The following CTNND2 variants were observed in gnomAD, a reference collection of about 807,000 sequenced individuals.
The protein encoded by CTNND2 is catenin delta-2.
A neutral mutation model predicts 144.4 loss-of-function variants in CTNND2; 22 were observed. The observed-to-expected ratio is 0.15, with a 90% CI of 0.11 to 0.22. The LOEUF (loss-of-function observed/expected upper bound fraction) is 0.22. Ranked by LOEUF, CTNND2 falls within the 10% of genes least tolerant of loss-of-function variation. CTNND2 has a pLI of 1.00. For missense variants in CTNND2, 1,353 were observed against 1,618.8 expected, an observed-to-expected ratio of 0.84 and a Z score of 2.82; for synonymous variants, 751 against 695.6, an observed-to-expected ratio of 1.08 and a Z score of -1.25.
chr5:11,177,984 G>A (rs1186768131), intron 11 of CTNND2, among the ~76,000 whole-genome samples: 1 of 152,154 alleles, frequency 6.6e-6, no homozygotes, highest in African/African-American at 2.4e-5. Context: ...GTTCCTGGTA[G>A]CTACTGATAT....
chr5:10,997,854 TTTA>T (rs777257002), intron 18 of CTNND2, among the ~76,000 whole-genome samples: 2 of 152,148 alleles, frequency 1.3e-5, no homozygotes, highest in Non-Finnish European at 2.9e-5. Context: ...TGGCTAAATA[TTTA>T]TTATGTTCTA....
chr5:11,732,232 C>A lies in CTNND2; in HGVS notation c.78G>T (p.Glu26Asp). ...PVPDQPSSAS[E>D]KTSSLSPGLN... ...AGCCGGGGCTCAGGGAACTCGTCTT[C>A]TCTGAGGCTGATGAAGGCTGGTCTG... The change falls in exon 2 of 22, where the codon GAG becomes GAT. Residue 26 changes from glutamate to aspartate, a missense_variant. Physicochemically the swap from Glu to Asp is conservative, Grantham distance 45. Coordinates refer to ENST00000304623, the MANE Select transcript of CTNND2 (RefSeq NM_001332.4). 6.2e-7 allele frequency: 1 copy of A among 1,613,996 alleles called. No individual in the cohort carries two copies. Among genetic ancestry groups the A allele is most frequent in the South Asian group, 1.1e-5 (1 of 91,072 alleles).
chr5:11,610,978 T>A (rs1780293990), intron 2 of CTNND2, among the ~76,000 whole-genome samples: 2 of 152,136 alleles, frequency 1.3e-5, no homozygotes, highest in Non-Finnish European at 2.9e-5. Context: ...GATGATATGG[T>A]TTGGCTGTGT....
intron 3 of CTNND2, among the ~76,000 whole-genome samples, chr5:11,413,003 T>C (rs1761664506): frequency 1.3e-5 from 2 of 152,154 alleles, no homozygotes; most frequent in Admixed American, 1.3e-4. Context: ...AAAAGGGAAT[T>C]CTGGGTATAA....
At chr5:11,369,123 G>A (rs1356467408) in intron 7 of CTNND2, among the ~76,000 whole-genome samples, 1 of 152,090 alleles carries the variant, frequency 6.6e-6, no homozygotes, top group African/African-American at 2.4e-5. Flanking sequence ...AAGTATTATT[G>A]CAAAATGTGA....
Position 11,378,458 on chromosome 5 carries a change from T to C in CTNND2, c.1177+6207A>G, listed in dbSNP as rs142990665. Among the ~76,000 whole-genome samples, 109 of 152,350 alleles carry C rather than the reference T, an allele frequency of 7.2e-4. 2 individuals are homozygous for C. In the East Asian group the frequency reaches 0.013, roughly 18 times the overall value. The stretch of plus-strand genomic sequence containing the variant: ...TTAACCACCTTTACAAGGTTAAAGT[T>C]GATTGATATCACAGGTTGATCATAT... On this transcript the variant is annotated intron_variant, in intron 7 of 21. Coordinates refer to ENST00000304623, the MANE Select transcript of CTNND2 (RefSeq NM_001332.4).
intron 1 of CTNND2, among the ~76,000 whole-genome samples, chr5:11,807,044 C>A (rs4283790): frequency 0.099 from 15,119 of 152,030 alleles, 1,771 homozygotes; most frequent in African/African-American, 0.28. Flanking sequence ...ATTCTGCGTC[C>A]ATTTGCTACA....
rs1736714841 is a variant in CTNND2, at chr5:11,888,426, T to C, written c.37+15391A>G. 2.0e-5 allele frequency among the ~76,000 whole-genome samples: 3 copies of C among 152,164 alleles called. No individual in the cohort carries two copies. In the South Asian group the frequency reaches 6.2e-4, roughly 32 times the overall value. ...GGACTTAAGCTAATTCTTTCCAGCC[T>C]TGCCAACCTTAATCCAATCAATGGT... On this transcript the variant is annotated intron_variant, in intron 1 of 21. Transcript: ENST00000304623.
chr5:11,633,113 C>G (rs1486662718), intron 2 of CTNND2, among the ~76,000 whole-genome samples: 1 of 152,144 alleles, frequency 6.6e-6, no homozygotes, highest in African/African-American at 2.4e-5. Flanking sequence ...TTCCCATATT[C>G]AATGGGAAAC....
At chr5:11,561,292 C>T (rs1561558559) in intron 3 of CTNND2, among the ~76,000 whole-genome samples, 1 of 152,150 alleles carries the variant, frequency 6.6e-6, no homozygotes, top group South Asian at 2.1e-4. Flanking sequence ...AATATGAAAC[C>T]AAAATCTCTA....
intron 9 of CTNND2, among the ~76,000 whole-genome samples, chr5:11,286,490 C>T (rs185200943): frequency 1.7e-4 from 26 of 152,290 alleles, no homozygotes; most frequent in East Asian, 1.3e-3. Context: ...CATGAATAGC[C>T]GATATGGGAC....
chr5:11,894,998 G>C (rs918492459), intron 1 of CTNND2, among the ~76,000 whole-genome samples: 6 of 152,166 alleles, frequency 3.9e-5, no homozygotes, highest in African/African-American at 1.4e-4. Flanking sequence ...GAGAAGCATG[G>C]TCCTATGTGA....
intron 9 of CTNND2, among the ~76,000 whole-genome samples, chr5:11,335,982 A>AAAG (rs1753689676): frequency 6.6e-6 from 1 of 151,964 alleles, no homozygotes; most frequent in South Asian, 2.1e-4. Flanking sequence ...GTTGCTTTCC[A>AAAG]CAACCAATCA....
chr5:11,846,330 T>G (rs554060285), intron 1 of CTNND2, among the ~76,000 whole-genome samples: 16 of 152,260 alleles, frequency 1.1e-4, no homozygotes, highest in African/African-American at 3.6e-4. Context: ...GACTTCATAC[T>G]GTACAGATGG....
chr5:11,617,705 G>GTT (rs1245059358), intron 2 of CTNND2, among the ~76,000 whole-genome samples: 1 of 152,122 alleles, frequency 6.6e-6, no homozygotes, highest in African/African-American at 2.4e-5. Flanking sequence ...TTCCACAAGT[G>GTT]TTACAGAGAA....
intron 9 of CTNND2, among the ~76,000 whole-genome samples, chr5:11,259,882 C>T (rs1435877294): frequency 6.6e-6 from 1 of 152,118 alleles, no homozygotes; most frequent in Non-Finnish European, 1.5e-5. Flanking sequence ...AGACTGTGGA[C>T]CCAGAGAGCT....
Position 11,384,555 on chromosome 5 carries a change from C to CA in CTNND2, c.1177+109dup. 1.0e-6 allele frequency: 1 copy of CA among 1,003,506 alleles called. No individual in the cohort carries two copies. The allele number at this position is 1,003,506 out of a possible 1,614,324, so 62.2% of individuals were successfully genotyped here. On this transcript the variant is annotated intron_variant, in intron 7 of 21. Transcript: ENST00000304623. This position sits in a 1 kb window ranked among gnomAD's most constrained non-coding sequence, Gnocchi z 5.2. ...CGTTCTCTGTCTCCTGCAACTACTA[C>CA]AACCTGGCAGACAGCGCGCCCGGCT...
intron 9 of CTNND2, among the ~76,000 whole-genome samples, chr5:11,336,312 G>C (rs1753718427): frequency 6.6e-6 from 1 of 152,198 alleles, no homozygotes; most frequent in Non-Finnish European, 1.5e-5. Context: ...GAAAGGCATA[G>C]TGTACTTTGA....
intron 2 of CTNND2, among the ~76,000 whole-genome samples, chr5:11,583,209 A>G (rs970786868): frequency 6.6e-6 from 1 of 152,188 alleles, no homozygotes; most frequent in African/African-American, 2.4e-5. Context: ...GAATTCTGAC[A>G]CCAGTAATTC....
Sources: allele counts gnomAD v4.1 joint callset (sites outside exome capture counted in the v4.1 genomes callset), GRCh38; gene constraint gnomAD v4.1.1; non-coding constraint Gnocchi (gnomAD v3.1); transcripts MANE v1.5; gene names NCBI Gene and HGNC (gene_info 2026-07-23, HGNC 2026-07-21).